Variants in NUBPL observed in about 807,000 individuals in gnomAD.
The protein encoded by NUBPL is NUBP iron-sulfur cluster assembly factor, mitochondrial.
A neutral mutation model predicts 45.7 loss-of-function variants in NUBPL; 31 were observed. The ratio of observed to expected loss-of-function variants is 0.68; its 90% CI spans 0.51 to 0.92. The LOEUF is 0.92. Ranked by LOEUF, NUBPL falls within the 40% of genes least tolerant of loss-of-function variation. The probability of loss-of-function intolerance (pLI) is 0.00; values close to 1 mark genes in which losing one functional copy is unlikely to be tolerated. For synonymous variants in NUBPL, 144 were observed against 140.9 expected, an observed-to-expected ratio of 1.02 and a Z score of -0.15; for missense variants, 401 against 398.7, an observed-to-expected ratio of 1.01 and a Z score of -0.05.
intron 7 of NUBPL, among the ~76,000 whole-genome samples, chr14:31,806,667 C>T (rs376799912): frequency 3.1e-4 from 47 of 152,056 alleles, no homozygotes; most frequent in Non-Finnish European, 5.7e-4. Context: ...ATGTGCACAA[C>T]GTGCAGGTTT....
chr14:31,573,733 T>C (rs1405185865), intron 3 of NUBPL, among the ~76,000 whole-genome samples: 3 of 152,250 alleles, frequency 2.0e-5, no homozygotes, highest in African/African-American at 7.2e-5. Context: ...TGACTTCTTT[T>C]ACTATTATTC....
chr14:31,588,913 CAAAA>C (rs5807627), intron 3 of NUBPL, among the ~76,000 whole-genome samples: 2 of 121,786 alleles, frequency 1.6e-5, no homozygotes, highest in African/African-American at 3.7e-5. Context: ...GACTCCGTCT[CAAAA>C]AAAAAAAAAA....
At chr14:31,836,729 A>T (rs1036055775) in intron 8 of NUBPL, among the ~76,000 whole-genome samples, 6 of 152,194 alleles carry the variant, frequency 3.9e-5, no homozygotes, top group Non-Finnish European at 8.8e-5. Flanking sequence ...TCCCCCAGCT[A>T]ACCCCATGTT....
At chr14:31,768,848 G>T (rs1214594635) in intron 6 of NUBPL, among the ~76,000 whole-genome samples, 1 of 152,172 alleles carries the variant, frequency 6.6e-6, no homozygotes, top group Non-Finnish European at 1.5e-5. Flanking sequence ...GGTGGTTGGG[G>T]TGGGGGCCAT....
intron 7 of NUBPL, among the ~76,000 whole-genome samples, chr14:31,804,875 CA>C (rs2039655252): frequency 6.6e-6 from 1 of 152,024 alleles, no homozygotes; most frequent in South Asian, 2.1e-4. Context: ...ATAGGAATGG[CA>C]AAGATTTCAT....
At chr14:31,665,211 T>G (rs1289348086) in intron 4 of NUBPL, among the ~76,000 whole-genome samples, 1 of 152,154 alleles carries the variant, frequency 6.6e-6, no homozygotes, top group Non-Finnish European at 1.5e-5. Context: ...GGGTTTTTCG[T>G]GTCTATCTCT....
At chr14:31,719,718 A>G (rs991084247) in intron 6 of NUBPL, among the ~76,000 whole-genome samples, 4 of 152,204 alleles carry the variant, frequency 2.6e-5, no homozygotes, top group African/African-American at 4.8e-5. Flanking sequence ...ACAATAAGAA[A>G]AAAATATTCA....
chr14:31,599,577 T>G (rs1033707531), intron 4 of NUBPL, among the ~76,000 whole-genome samples, 198 bp downstream of exon 4: 5 of 152,360 alleles, frequency 3.3e-5, no homozygotes, highest in Non-Finnish European at 7.3e-5. Flanking sequence ...GTTAAGTTCC[T>G]ATGGCATATT....
chr14:31,696,131 A>G (rs913455963), intron 6 of NUBPL, among the ~76,000 whole-genome samples: 5 of 152,186 alleles, frequency 3.3e-5, no homozygotes, highest in African/African-American at 1.2e-4. Flanking sequence ...AAAAGCTGGG[A>G]GGGACCTGGC....
intron 4 of NUBPL, among the ~76,000 whole-genome samples, chr14:31,602,133 G>A (rs1406005760): frequency 5.3e-5 from 8 of 151,920 alleles, no homozygotes; most frequent in Admixed American, 1.3e-4. Flanking sequence ...GTAAACTATC[G>A]CAAGGACAAA....
intron 6 of NUBPL, among the ~76,000 whole-genome samples, chr14:31,681,054 A>G (rs1388778496): frequency 2.6e-5 from 4 of 152,084 alleles, no homozygotes; most frequent in Admixed American, 2.6e-4. Flanking sequence ...GTTATATGAG[A>G]GTTAGCCTGG....
At chr14:31,820,528 A>G (rs1279906040) in intron 7 of NUBPL, among the ~76,000 whole-genome samples, 1 of 152,176 alleles carries the variant, frequency 6.6e-6, no homozygotes, top group Non-Finnish European at 1.5e-5. Flanking sequence ...TTCCTTTAAA[A>G]TTTAAAAATC....
At chr14:31,605,743 T>TCTTC (rs1211567891) in intron 4 of NUBPL, among the ~76,000 whole-genome samples, 1 of 151,570 alleles carries the variant, frequency 6.6e-6, no homozygotes, top group African/African-American at 2.4e-5. Context: ...TTCTTCTTCT[T>TCTTC]CTTCCTTCCT....
At chr14:31,692,543 A>G (rs1466244467) in intron 6 of NUBPL, among the ~76,000 whole-genome samples, 1 of 152,232 alleles carries the variant, frequency 6.6e-6, no homozygotes, top group Non-Finnish European at 1.5e-5. Flanking sequence ...CCAAATGTGA[A>G]GCAGATGCCA....
intron 8 of NUBPL, among the ~76,000 whole-genome samples, chr14:31,840,431 A>C (rs1216691918): frequency 1.3e-5 from 2 of 152,056 alleles, no homozygotes; most frequent in Non-Finnish European, 2.9e-5. Flanking sequence ...AAAATTAGCC[A>C]GACGTGGTGG....
chr14:31,667,456 T>C (rs1295841253), intron 4 of NUBPL, among the ~76,000 whole-genome samples: 1 of 152,058 alleles, frequency 6.6e-6, no homozygotes, highest in Non-Finnish European at 1.5e-5. Flanking sequence ...TCCTGTAACC[T>C]TTTATCAAGG....
chr14:31,843,790 TC>T, intron 8 of NUBPL: 1 of 152,228 alleles, frequency 6.6e-6, no homozygotes, highest in Non-Finnish European at 1.5e-5. Context: ...CCTCTCTGAC[TC>T]CCAGAGTACA....
intron 7 of NUBPL, among the ~76,000 whole-genome samples, chr14:31,814,385 G>GTT (rs1185988127): frequency 6.6e-6 from 1 of 151,942 alleles, no homozygotes; most frequent in Non-Finnish European, 1.5e-5. Flanking sequence ...GCAGTTGTTT[G>GTT]TTTTTTTCTT....
intron 6 of NUBPL, among the ~76,000 whole-genome samples, chr14:31,700,503 A>T (rs1483356681): frequency 4.6e-5 from 7 of 152,088 alleles, no homozygotes. Flanking sequence ...TGGGCTGGCC[A>T]AGGCTGCAGC....
Sources: allele counts gnomAD v4.1 joint callset (sites outside exome capture counted in the v4.1 genomes callset), GRCh38; gene constraint gnomAD v4.1.1; transcripts MANE v1.5; gene names NCBI Gene and HGNC (gene_info 2026-07-23, HGNC 2026-07-21).